EIF4G3: variants seen among roughly 807,000 people sequenced by gnomAD.
EIF4G3 encodes the protein eIF-4-gamma 3.
Under a neutral mutation model 186.4 loss-of-function variants are expected in EIF4G3, and 34 were observed. The ratio of observed to expected loss-of-function variants is 0.18; its 90% CI spans 0.14 to 0.24. The LOEUF (loss-of-function observed/expected upper bound fraction) is 0.24. Ranked by LOEUF, EIF4G3 falls within the 10% of genes least tolerant of loss-of-function variation. EIF4G3 has a pLI of 1.00. For synonymous variants in EIF4G3, 673 were observed against 679.5 expected (o/e 0.99, Z 0.15); for missense variants, 1,536 against 1,948.5 (o/e 0.79, Z 3.99).
At chr1:20,897,789 C>A (rs2088816170) in intron 16 of EIF4G3, among the ~76,000 whole-genome samples, 1 of 151,810 alleles carries the variant, frequency 6.6e-6, no homozygotes, top group South Asian at 2.1e-4. Flanking sequence ...TTTCCAATTA[C>A]TGCTGTTAAA....
chr1:20,863,387 A>AAAAAAAAAAAAAAAAAAAAAAAAAT (rs2076810160), intron 22 of EIF4G3, among the ~76,000 whole-genome samples: 1 of 35,722 alleles, frequency 2.8e-5, no homozygotes, highest in African/African-American at 6.9e-5. Flanking sequence ...GTAAAAAAAA[A>AAAAAAAAAAAAAAAAAAAAAAAAAT]AAAAAAAAAA....
intron 33 of EIF4G3, among the ~76,000 whole-genome samples, chr1:20,821,455 G>A (rs1487498607): frequency 1.3e-5 from 2 of 152,144 alleles, no homozygotes; most frequent in African/African-American, 2.4e-5. Flanking sequence ...TGTATTTAAC[G>A]AGACTCCACA....
intron 2 of EIF4G3, among the ~76,000 whole-genome samples, chr1:21,123,854 A>C (rs1205758139): frequency 6.6e-6 from 1 of 152,206 alleles, no homozygotes; most frequent in Non-Finnish European, 1.5e-5. Context: ...TTTAGATGGA[A>C]GGCATTTCTA....
At chr1:20,874,087 T>C (rs2154553403) in intron 20 of EIF4G3, among the ~76,000 whole-genome samples, 1 of 152,310 alleles carries the variant, frequency 6.6e-6, no homozygotes, top group Middle Eastern at 3.4e-3. Flanking sequence ...ATCCAGTCTA[T>C]CATTGATGGG....
Position 20,922,287 on chromosome 1 carries a change from T to C in EIF4G3, c.1664-17316A>G, listed in dbSNP as rs887582083. On this transcript the variant is annotated intron_variant, in intron 14 of 36. Coordinates refer to ENST00000602326, the MANE Select transcript of EIF4G3 (RefSeq NM_001391906.1). ...AAATTCACTTGCATGAGAATGATTC[T>C]ACTACTAGCTTCAAAGTCTATCTCT... Among the ~76,000 whole-genome samples, 5 of 152,186 alleles carry C rather than the reference T, an allele frequency of 3.3e-5. No individual in the cohort carries two copies. The South Asian group carries it at 8.3e-4, about 25-fold the overall frequency.
At position 20,941,720 on chromosome 1, in the gene EIF4G3, T is replaced by C; in HGVS notation, c.1434A>G (p.Pro478=). 1 of 1,608,272 alleles carries C rather than the reference T, an allele frequency of 6.2e-7. No homozygotes were observed. Among genetic ancestry groups the C allele is most frequent in the Non-Finnish European group, 8.5e-7 (1 of 1,177,212 alleles). The change falls in exon 14 of 37, where the codon CCA becomes CCG. Residue 478 remains proline, a synonymous_variant. Transcript: ENST00000602326. ...TGACTGGAGTGTGAGGAGGAGAAGC[T>C]GGAGGAGTTGGAGGAGTTGGAGGAA... is the stretch of plus-strand genomic sequence containing the variant. ...PSFPPTPPTP[P]ASPPHTPVIV...
rs529054249 is a variant in EIF4G3, at chr1:20,950,071, T to G, written c.755A>C (p.Tyr252Ser). 6.2e-7 allele frequency: 1 copy of G among 1,611,684 alleles called. No homozygotes were observed. The highest frequency in any genetic ancestry group is 1.1e-5 in the South Asian group (1 of 90,772). Reference protein sequence around the residue: ...SQVPEHSPVVYGTVESAHLAA... With the variant: ...SQVPEHSPVVSGTVESAHLAA... ...AAGATGAGCGCTCTCCACAGTCCCA[T>G]AAACCACAGGGCTGTGCTCGGGGAC... Residue 252 changes from tyrosine (Y) to serine (S), a missense_variant, in exon 13 of 37, where the codon TAT becomes TCT. Physicochemically the swap from Tyr to Ser is moderately radical, Grantham distance 144 (BLOSUM62 -2). Coordinates refer to ENST00000602326, the MANE Select transcript of EIF4G3 (RefSeq NM_001391906.1).
intron 4 of EIF4G3, among the ~76,000 whole-genome samples, chr1:21,016,176 C>A (rs569387452): frequency 6.6e-6 from 1 of 152,128 alleles, no homozygotes; most frequent in Admixed American, 6.5e-5. Context: ...AAAAGAAGTA[C>A]GGTTTTTGTA....
intron 14 of EIF4G3, among the ~76,000 whole-genome samples, chr1:20,916,031 T>TA (rs1276684551): frequency 6.6e-6 from 1 of 152,038 alleles, no homozygotes; most frequent in African/African-American, 2.4e-5. Context: ...AACTGATATA[T>TA]AAAAATCTAT....
At chr1:21,006,032 A>C (rs2084972959) in intron 4 of EIF4G3, among the ~76,000 whole-genome samples, 1 of 152,192 alleles carries the variant, frequency 6.6e-6, no homozygotes, top group South Asian at 2.1e-4. Context: ...GGAATGCTTA[A>C]CGGTGGCACA....
chr1:21,002,990 C>CTT (rs5772933), intron 4 of EIF4G3, among the ~76,000 whole-genome samples, 182 bp from the exon 5 acceptor site: 239 of 141,206 alleles, frequency 1.7e-3, no homozygotes, highest in Middle Eastern at 3.7e-3. Flanking sequence ...CCTTTTCTTT[C>CTT]TTTTTTTTTT....
At chr1:20,984,516 A>G (rs940315087) in intron 7 of EIF4G3, among the ~76,000 whole-genome samples, 1 of 151,612 alleles carries the variant, frequency 6.6e-6, no homozygotes, top group African/African-American at 2.4e-5. Flanking sequence ...CTAAAGAGAA[A>G]TGTATTTGTA....
intron 29 of EIF4G3, chr1:20,841,389 G>C (rs1376522468): frequency 1.3e-5 from 2 of 156,296 alleles, no homozygotes; most frequent in Non-Finnish European, 2.8e-5. Flanking sequence ...TCACTCAAAG[G>C]GTGAGTCAAA....
chr1:21,162,821 T>C (rs890235567), intron 2 of EIF4G3, among the ~76,000 whole-genome samples: 2 of 152,146 alleles, frequency 1.3e-5, no homozygotes, highest in Non-Finnish European at 2.9e-5. Flanking sequence ...GGGGTATCCA[T>C]ATAATTTACT....
At chr1:21,044,652 T>A (rs1187281836) in intron 4 of EIF4G3, among the ~76,000 whole-genome samples, 7 of 151,784 alleles carry the variant, frequency 4.6e-5, no homozygotes, top group Admixed American at 1.3e-4. Flanking sequence ...TTTTTTTGTT[T>A]TTTTTTTTCC....
At chr1:21,099,733 T>G (rs1028415656) in intron 2 of EIF4G3, among the ~76,000 whole-genome samples, 1 of 152,214 alleles carries the variant, frequency 6.6e-6, no homozygotes, top group African/African-American at 2.4e-5. Context: ...GTTTTCTGTG[T>G]CTTCTACACA....
chr1:20,975,802 C>G (rs764670594), intron 10 of EIF4G3, among the ~76,000 whole-genome samples: 9 of 151,964 alleles, frequency 5.9e-5, no homozygotes, highest in Non-Finnish European at 8.8e-5. Flanking sequence ...GATCAAAGAT[C>G]TGTCAACTAC....
At chr1:20,840,239 A>G (rs74780967) in intron 30 of EIF4G3, among the ~76,000 whole-genome samples, 102 of 152,382 alleles carry the variant, frequency 6.7e-4, no homozygotes, top group African/African-American at 2.4e-3. Flanking sequence ...TGATGATGGT[A>G]TATCACAAAT....
Position 20,807,165 on chromosome 1 carries a change from G to T in EIF4G3, c.*154C>A, listed in dbSNP as rs1363071543. 1.9e-5 allele frequency: 11 copies of T among 581,462 alleles called. No homozygotes were observed. The highest frequency in any genetic ancestry group is 3.0e-5 in the Non-Finnish European group (11 of 364,756). The allele number at this position is 581,462 out of a possible 1,614,324, so 36.0% of individuals were successfully genotyped here. A position where few individuals can be genotyped will look rare whatever the true frequency, so the allele number is the denominator to read the frequency against. ...TTTATCCAGTACCTTTTTCCTCCAT[G>T]ATCACCTTTTTTTCTCTTTCCCCTC... On this transcript the variant is annotated 3_prime_UTR_variant, in exon 37 of 37. Coordinates refer to ENST00000602326, the MANE Select transcript of EIF4G3 (RefSeq NM_001391906.1).
Sources: gnomAD v4.1 joint callset for allele counts (sites outside exome capture counted in the v4.1 genomes callset) on GRCh38, gnomAD v4.1.1 for gene constraint, MANE v1.5 for transcripts, NCBI Gene and HGNC (gene_info 2026-07-23, HGNC 2026-07-21) for gene names.